Variants in FCHSD2 observed in about 807,000 individuals in gnomAD.
The protein encoded by FCHSD2 is FCH and double SH3 domains 2.
Under a neutral mutation model 108.1 loss-of-function variants are expected in FCHSD2, and 38 were observed. The observed-to-expected ratio is 0.35, with a 90% CI of 0.27 to 0.46. The LOEUF is 0.46. Among genes scored for constraint, FCHSD2 ranks in the 20% least tolerant of loss-of-function variants. The pLI is 1.00. For synonymous variants in FCHSD2, 279 were observed against 314.7 expected (o/e 0.89, Z 1.20); for missense variants, 751 against 897.8 (o/e 0.84, Z 2.09).
At chr11:72,958,156 G>A (rs1856749776) in intron 8 of FCHSD2, among the ~76,000 whole-genome samples, 1 of 152,144 alleles carries the variant, frequency 6.6e-6, no homozygotes, top group Non-Finnish European at 1.5e-5. Flanking sequence ...ATTTTACAAA[G>A]GGGAAAGATG....
rs181089609 is a variant in FCHSD2, at chr11:72,907,409, G to A, written c.829-4771C>T. Reference sequence around the variant, plus strand: ...GTGAGAGAGAGCATCCTTATCTTGTGCTGGTTTTCAAAGGGAATGCTTCCA... The same window carrying A: ...GTGAGAGAGAGCATCCTTATCTTGTACTGGTTTTCAAAGGGAATGCTTCCA... On this transcript the variant is annotated intron_variant, in intron 9 of 19. Coordinates refer to ENST00000409418, the MANE Select transcript of FCHSD2 (RefSeq NM_014824.3). Among the ~76,000 whole-genome samples the A allele has an allele frequency of 3.2e-4, 48 of 151,262 alleles. No homozygotes were observed. The East Asian group carries it at 9.3e-3, about 29-fold the overall frequency.
At chr11:72,941,468 G>GTTTTAT (rs60755272) in intron 8 of FCHSD2, among the ~76,000 whole-genome samples, 1 of 151,048 alleles carries the variant, frequency 6.6e-6, no homozygotes, top group Non-Finnish European at 1.5e-5. Flanking sequence ...ATAAAATATA[G>GTTTTAT]ACTCCCAACT....
At chr11:72,929,997 C>T (rs1357682042) in intron 8 of FCHSD2, among the ~76,000 whole-genome samples, 3 of 152,068 alleles carry the variant, frequency 2.0e-5, no homozygotes, top group Non-Finnish European at 4.4e-5. Context: ...ACCAAAGAAA[C>T]ATTTTGAGAG....
chr11:73,065,509 C>A (rs1377089385), intron 3 of FCHSD2, among the ~76,000 whole-genome samples: 2 of 152,022 alleles, frequency 1.3e-5, no homozygotes, highest in Admixed American at 1.3e-4. Flanking sequence ...CTGGCCAGAG[C>A]AATCAAGAAA....
chr11:73,049,094 G>A (rs1349308800), intron 3 of FCHSD2, among the ~76,000 whole-genome samples: 1 of 152,156 alleles, frequency 6.6e-6, no homozygotes, highest in Admixed American at 6.5e-5. Context: ...AGCGTAGGAT[G>A]GTGAAGATCT....
In FCHSD2 at chr11:73,083,677, C is replaced by T. The variant is rs373842790; in HGVS notation, c.165+18G>A. Reference sequence around the variant, plus strand: ...AAAAGAAGTATACCTAGAATGGGACCTCCAATTTCAAGCTTACCTGTGCAT... The same window carrying T: ...AAAAGAAGTATACCTAGAATGGGACTTCCAATTTCAAGCTTACCTGTGCAT... On this transcript the variant is annotated intron_variant, in intron 3 of 19. Coordinates refer to ENST00000409418, the MANE Select transcript of FCHSD2 (RefSeq NM_014824.3). The T allele has an allele frequency of 1.8e-5, 27 of 1,518,544 alleles. No homozygotes were observed. The highest frequency in any genetic ancestry group is 2.4e-5 in the South Asian group (2 of 83,362). 94.1% of individuals were successfully genotyped at this position (1,518,544 alleles called of 1,614,324 possible). A position where few individuals can be genotyped will look rare whatever the true frequency, so the allele number is the denominator to read the frequency against.
In FCHSD2 at chr11:73,000,255, TTTTC is replaced by T. The variant is rs1410880733; in HGVS notation, c.387+731_387+734del. 2.6e-5 allele frequency among the ~76,000 whole-genome samples: 4 copies of T among 152,254 alleles called. No homozygotes were observed. In the East Asian group the frequency reaches 5.8e-4, roughly 22 times the overall value. On this transcript the variant is annotated intron_variant, in intron 5 of 19. Transcript: ENST00000409418. ...ATTTCCCGAAATAATTACTTTAATA[TTTTC>T]TTTCTTTTACTTTAATATTTTCTAA...
chr11:73,102,408 C>T (rs1860245541), intron 2 of FCHSD2, among the ~76,000 whole-genome samples: 1 of 152,184 alleles, frequency 6.6e-6, no homozygotes, highest in Non-Finnish European at 1.5e-5. Context: ...CATATGTCCA[C>T]AGAAGGACCC....
intron 2 of FCHSD2, among the ~76,000 whole-genome samples, chr11:73,096,559 A>AAGGAC (rs879303427): frequency 7.9e-5 from 12 of 151,968 alleles, no homozygotes; most frequent in Admixed American, 3.9e-4. Context: ...AAGGAAAGGA[A>AAGGAC]AGGACAGGAC....
At position 73,130,529 on chromosome 11, in the gene FCHSD2, C is replaced by T. The variant is rs188935888; in HGVS notation, c.119+9502G>A. Among the ~76,000 whole-genome samples the T allele has an allele frequency of 2.6e-5, 4 of 152,344 alleles. 1 individual carries two copies. Among genetic ancestry groups the T allele is most frequent in the African/African-American group, 9.6e-5 (4 of 41,568 alleles). The stretch of plus-strand genomic sequence containing the variant: ...AACTATCTTCACCTGCCTTGGGCTG[C>T]AATGGCTGTCCCATTCAGAAAAGAA... On this transcript the variant is annotated intron_variant, in intron 2 of 19. Transcript: ENST00000409418.
At chr11:72,917,471 G>A (rs986277338) in intron 9 of FCHSD2, among the ~76,000 whole-genome samples, 1 of 152,106 alleles carries the variant, frequency 6.6e-6, no homozygotes, top group African/African-American at 2.4e-5. Context: ...TCCATACCAC[G>A]CTATCTTTAC....
chr11:73,059,960 C>T (rs995079344), intron 3 of FCHSD2, among the ~76,000 whole-genome samples: 1 of 152,202 alleles, frequency 6.6e-6, no homozygotes, highest in Admixed American at 6.5e-5. Context: ...ACATGGTCAT[C>T]AGTACATTCT....
chr11:72,891,442 C>T (rs1049805091), intron 10 of FCHSD2, among the ~76,000 whole-genome samples: 1 of 152,188 alleles, frequency 6.6e-6, no homozygotes, highest in Non-Finnish European at 1.5e-5. Context: ...ACTTAACCAT[C>T]TTTACATTCA....
chr11:72,859,945 C>T (rs952956939), intron 13 of FCHSD2, among the ~76,000 whole-genome samples: 10 of 152,278 alleles, frequency 6.6e-5, no homozygotes, highest in South Asian at 2.1e-4. Context: ...GCACCAGGAA[C>T]CAGTTTCATG....
chr11:73,134,952 C>T (rs948939303), intron 2 of FCHSD2, among the ~76,000 whole-genome samples: 9 of 152,116 alleles, frequency 5.9e-5, no homozygotes, highest in Non-Finnish European at 8.8e-5. Context: ...TCAAGTGATT[C>T]TCCTGCCTCA....
chr11:73,044,568 C>T (rs992818051), intron 3 of FCHSD2, among the ~76,000 whole-genome samples: 1 of 152,046 alleles, frequency 6.6e-6, no homozygotes, highest in Non-Finnish European at 1.5e-5. Context: ...CAGAGTGAGA[C>T]CCCAGTCCCT....
intron 16 of FCHSD2, 107 bp from the exon 17 acceptor site, chr11:72,842,948 G>A: frequency 1.0e-6 from 1 of 972,808 alleles, no homozygotes; most frequent in Non-Finnish European, 1.5e-6. Flanking sequence ...TACAGAATAG[G>A]ATTAAAGTTG....
chr11:72,887,556 A>C lies in FCHSD2; in HGVS notation c.1060T>G (p.Cys354Gly), dbSNP rs142618697. The C allele has an allele frequency of 3.4e-4, 536 of 1,581,172 alleles. No individual in the cohort carries two copies. The highest frequency in any genetic ancestry group is 4.5e-4 in the Non-Finnish European group (528 of 1,167,640). Residue 354 changes from cysteine (C) to glycine (G), a missense_variant, in exon 12 of 20, where the codon TGT becomes GGT. Physicochemically the swap from Cys to Gly is radical, Grantham distance 159 (BLOSUM62 -3). Coordinates refer to ENST00000409418, the MANE Select transcript of FCHSD2 (RefSeq NM_014824.3). ...HQQRVLNDLE[C>G]HGAAVSEQSR... ...TGTTCTGATACAGCAGCTCCATGAC[A>C]CTCCAGATCATTTAGAACCTATTAA...
chr11:72,983,657 T>G (rs1290929646), intron 8 of FCHSD2: 1 of 218,158 alleles, frequency 4.6e-6, no homozygotes, highest in Non-Finnish European at 9.4e-6. Flanking sequence ...ACAAAAATTA[T>G]GCTAAAATGT....
Sources: gnomAD v4.1 joint callset for allele counts (sites outside exome capture counted in the v4.1 genomes callset) on GRCh38, gnomAD v4.1.1 for gene constraint, MANE v1.5 for transcripts, NCBI Gene and HGNC (gene_info 2026-07-23, HGNC 2026-07-21) for gene names.